UHMK1: variants seen among roughly 807,000 people sequenced by gnomAD.
The protein encoded by UHMK1 is U2AF homology motif kinase 1.
In UHMK1, 18 loss-of-function variants were observed where a neutral mutation model predicts 44.0. The observed-to-expected ratio is 0.41, with a 90% CI of 0.28 to 0.61. The LOEUF is 0.61. Among genes scored for constraint, UHMK1 ranks in the 20% least tolerant of loss-of-function variants. The probability of loss-of-function intolerance (pLI) is 0.31; values close to 1 mark genes in which losing one functional copy is unlikely to be tolerated. For missense variants in UHMK1, 463 were observed against 522.5 expected (o/e 0.89, Z 1.11); for synonymous variants, 231 against 198.5 (o/e 1.16, Z -1.38).
rs1651713364 is a variant in UHMK1, at chr1:162,512,807, T to C, written c.1008T>C (p.Asn336=). ...TGCTGGATGATGATTATCTTGAGAA[T>C]GAAGAGGAATATGAAGGTTAGTGTT... The part of the protein sequence containing the change: ...LNVLDDDYLE[N]EEEYEDVVED... Residue 336 remains asparagine (N), a synonymous_variant, in exon 6 of 8, where the codon AAT becomes AAC. Transcript: ENST00000489294. The C allele has an allele frequency of 1.2e-6, 2 of 1,614,048 alleles. No homozygotes were observed. Among genetic ancestry groups the C allele is most frequent in the Non-Finnish European group, 1.7e-6 (2 of 1,180,004 alleles).
intron 4 of UHMK1, among the ~76,000 whole-genome samples, chr1:162,504,185 C>G (rs1260997835): frequency 2.6e-5 from 4 of 151,984 alleles, no homozygotes; most frequent in East Asian, 3.9e-4. Flanking sequence ...TCCCCTCCCC[C>G]CAAAAAAAGA....
chr1:162,499,246 GT>G (rs1256752096), intron 1 of UHMK1, among the ~76,000 whole-genome samples: 1 of 151,948 alleles, frequency 6.6e-6, no homozygotes, highest in Non-Finnish European at 1.5e-5. Context: ...CGAGATCACA[GT>G]TCACTCCAGC....
In UHMK1 at chr1:162,526,993, G is replaced by A. The variant is rs1042878425; in HGVS notation, c.*4443G>A. ...CAGTCAATCACCTTTATTTTGAGAT[G>A]GTAGTTTTTCAAGTTAGTATTACTT... On this transcript the variant is annotated 3_prime_UTR_variant, in exon 8 of 8. Coordinates refer to ENST00000489294, the MANE Select transcript of UHMK1 (RefSeq NM_175866.5). 1 of 151,870 alleles carries A rather than the reference G, an allele frequency of 6.6e-6. No individual in the cohort carries two copies. The highest frequency in any genetic ancestry group is 1.5e-5 in the Non-Finnish European group (1 of 67,894). The allele number at this position is 151,870 out of a possible 1,614,324, so 9.4% of individuals were successfully genotyped here. A position where few individuals can be genotyped will look rare whatever the true frequency, so the allele number is the denominator to read the frequency against.
intron 2 of UHMK1, chr1:162,500,577 G>A (rs978708622): frequency 1.3e-5 from 5 of 396,280 alleles, no homozygotes; most frequent in Non-Finnish European, 2.3e-5. Context: ...TGTTGGGGCT[G>A]TATCTCGTGG....
At chr1:162,497,356 C>T (rs560264542), upstream of UHMK1, 187 of 687,800 alleles carry the variant, frequency 2.7e-4, no homozygotes, top group African/African-American at 3.0e-3. Context: ...TTTAGAGTGC[C>T]CTGGCCTGGG....
At chr1:162,503,524 T>C (rs1220176028) in intron 3 of UHMK1, among the ~76,000 whole-genome samples, 2 of 149,190 alleles carry the variant, frequency 1.3e-5, no homozygotes, top group Non-Finnish European at 2.9e-5. Flanking sequence ...GGCAGGAGGA[T>C]CACTTAAACC....
chr1:162,499,878 T>G (rs1292048614), intron 1 of UHMK1, 77 bp from the exon 2 acceptor site: 1 of 1,379,950 alleles, frequency 7.2e-7, no homozygotes, highest in Non-Finnish European at 1.0e-6. Context: ...CTATCTCAAA[T>G]TTGTACTGCA....
In UHMK1 at chr1:162,527,617, T is replaced by C. The variant is rs188987092; in HGVS notation, c.*5067T>C. Reference sequence around the variant, plus strand: ...CAGAGAGTTGTCATAATTGTGGCAGTTGTGTTTGTGGCACTGTAAATGCTG... The same window carrying C: ...CAGAGAGTTGTCATAATTGTGGCAGCTGTGTTTGTGGCACTGTAAATGCTG... On this transcript the variant is annotated 3_prime_UTR_variant, in exon 8 of 8. Transcript: ENST00000489294. The C allele has an allele frequency of 2.0e-5, 3 of 152,214 alleles. No individual in the cohort carries two copies. Among genetic ancestry groups the C allele is most frequent in the African/African-American group, 7.2e-5 (3 of 41,574 alleles). 9.4% of individuals were successfully genotyped at this position (152,214 alleles called of 1,614,324 possible).
upstream of UHMK1, chr1:162,497,287 A>C (rs188611663): frequency 1.6e-3 from 1,109 of 702,830 alleles, 1 homozygote; most frequent in Non-Finnish European, 2.2e-3. Flanking sequence ...TGTTGACCTT[A>C]ACCGGAGAGG....
At chr1:162,518,918 GGTGGAGGTTGTAGTGA>G (rs1324370779) in intron 7 of UHMK1, among the ~76,000 whole-genome samples, 3 of 151,784 alleles carry the variant, frequency 2.0e-5, no homozygotes. Context: ...GAACCTGGGA[GGTGGAGGTTGTAGTGA>G]GTGGAGGTCA....
Position 162,500,192 on chromosome 1 carries a change from A to C in UHMK1, c.506A>C (p.Glu169Ala). The change falls in exon 2 of 8, where the codon GAG becomes GCG. Residue 169 changes from glutamate (E) to alanine (A), a missense_variant. Around this residue, in one of 3 missense-constraint regions of UHMK1, gnomAD observed 264 missense variants for 326.3 expected, o/e 0.81. Coordinates refer to ENST00000489294, the MANE Select transcript of UHMK1 (RefSeq NM_175866.5). Reference protein sequence around the residue: ...LKPRNILWSAENECFKLIDFG... With the variant: ...LKPRNILWSAANECFKLIDFG... Reference sequence around the variant, plus strand: ...CCACGTAACATATTGTGGAGTGCAGAGAATGAATGTTTTAAACTCATTGAC... The same window carrying C: ...CCACGTAACATATTGTGGAGTGCAGCGAATGAATGTTTTAAACTCATTGAC... 4.3e-6 allele frequency: 7 copies of C among 1,614,114 alleles called. No homozygotes were observed. The highest frequency in any genetic ancestry group is 5.9e-6 in the Non-Finnish European group (7 of 1,179,934).
rs941912208 is a variant in UHMK1 at position 162,505,153 on chromosome 1, T to C, written c.848+1305T>C. ...TAAACTTTAATTTTTCTTTATCTTA[T>C]TTACTTTTAAAATTTTTTGTTAAAA... On this transcript the variant is annotated intron_variant, in intron 4 of 7. Coordinates refer to ENST00000489294, the MANE Select transcript of UHMK1 (RefSeq NM_175866.5). Among the ~76,000 whole-genome samples, 4 of 152,196 alleles carry C rather than the reference T, an allele frequency of 2.6e-5. No homozygotes were observed. The South Asian group carries it at 8.3e-4, about 31-fold the overall frequency.
At chr1:162,500,331 G>T in intron 2 of UHMK1, 84 bp downstream of exon 2, 6 of 1,454,688 alleles carry the variant, frequency 4.1e-6, no homozygotes, top group Non-Finnish European at 4.6e-6. Flanking sequence ...GGGTAGTTTA[G>T]TAGGGGCTTA....
In UHMK1 at chr1:162,523,182, A is replaced by C. The variant is rs1652122852; in HGVS notation, c.*632A>C. The C allele has an allele frequency of 6.5e-6, 1 of 152,680 alleles. No homozygotes were observed. The highest frequency in any genetic ancestry group is 6.5e-5 in the Admixed American group (1 of 15,278). The allele number at this position is 152,680 out of a possible 1,614,324, so 9.5% of individuals were successfully genotyped here. ...AGAAAGCTGATGCTTGATCTTGCAC[A>C]ATTTTTATGTCTAGTATGTATGCTT... On this transcript the variant is annotated 3_prime_UTR_variant, in exon 8 of 8. Coordinates refer to ENST00000489294, the MANE Select transcript of UHMK1 (RefSeq NM_175866.5).
chr1:162,502,158 C>G (rs1354180688), intron 3 of UHMK1, among the ~76,000 whole-genome samples: 2 of 152,078 alleles, frequency 1.3e-5, no homozygotes, highest in Non-Finnish European at 2.9e-5. Flanking sequence ...CCTTTGAAAA[C>G]ATACTGTAGT....
chr1:162,518,281 A>C (rs548457652), intron 7 of UHMK1, 91 bp downstream of exon 7: 1 of 886,196 alleles, frequency 1.1e-6, no homozygotes, highest in Non-Finnish European at 1.8e-6. Context: ...TGTACAACAA[A>C]ATTTTGCTAA....
upstream of UHMK1, among the ~76,000 whole-genome samples, chr1:162,497,471 T>C (rs1651087975): frequency 6.6e-6 from 1 of 152,204 alleles, no homozygotes; most frequent in African/African-American, 2.4e-5. Context: ...TCATGGGTTC[T>C]GGTGACCGTG....
chr1:162,500,301 C>T, intron 2 of UHMK1, 54 bp downstream of exon 2: 1 of 1,547,326 alleles, frequency 6.5e-7, no homozygotes, highest in Non-Finnish European at 8.7e-7. Flanking sequence ...TGGTTGAAGC[C>T]AAATATTTTT....
At chr1:162,512,092 A>G (rs1651687692) in intron 4 of UHMK1, among the ~76,000 whole-genome samples, 1 of 149,336 alleles carries the variant, frequency 6.7e-6, no homozygotes, top group Non-Finnish European at 1.5e-5. Context: ...GGTTTTTGTT[A>G]TAGATATTGT....
Sources: gnomAD v4.1 joint callset for allele counts (sites outside exome capture counted in the v4.1 genomes callset) on GRCh38, gnomAD v4.1.1 for gene constraint, gnomAD v4.1.1 regional missense constraint, MANE v1.5 for transcripts, NCBI Gene and HGNC (gene_info 2026-07-23, HGNC 2026-07-21) for gene names.